The following PLCB1 variants were observed in gnomAD, a reference collection of about 807,000 sequenced individuals.
The protein encoded by PLCB1 is 1-phosphatidylinositol 4,5-bisphosphate phosphodiesterase beta-1.
In PLCB1, 46 loss-of-function variants were observed where a neutral mutation model predicts 161.8. That is an observed-to-expected ratio of 0.28 (90% CI 0.22 to 0.36). The LOEUF (loss-of-function observed/expected upper bound fraction) is 0.36, where lower values mean the gene tolerates loss of function less well. Ranked by LOEUF, PLCB1 falls within the 10% of genes least tolerant of loss-of-function variation. The pLI, the probability that PLCB1 is intolerant of heterozygous loss-of-function variation, is 1.00. For missense variants in PLCB1, 1,016 were observed against 1,472.5 expected, an observed-to-expected ratio of 0.69 and a Z score of 5.07; for synonymous variants, 517 against 503.7, an observed-to-expected ratio of 1.03 and a Z score of -0.35.
chr20:8,160,278 C>T (rs2327028), intron 2 of PLCB1, among the ~76,000 whole-genome samples: 90,541 of 151,984 alleles, frequency 0.6, 29,128 homozygotes, highest in African/African-American at 0.86. Flanking sequence ...TTTCCTGTCT[C>T]CTTCTGAGCC....
chr20:8,644,172 T>A (rs1298414150), intron 4 of PLCB1, among the ~76,000 whole-genome samples: 35 of 152,268 alleles, frequency 2.3e-4, no homozygotes, highest in Middle Eastern at 3.4e-3. Context: ...CCGCCTGCCT[T>A]GGCCTCCCAA....
At chr20:8,330,034 A>G (rs529232766) in intron 2 of PLCB1, among the ~76,000 whole-genome samples, 6 of 152,352 alleles carry the variant, frequency 3.9e-5, no homozygotes, top group Admixed American at 2.0e-4. Context: ...GTGTTCAAGA[A>G]TAATTCTTTC....
At chr20:8,751,501 A>G (rs1981480538) in intron 23 of PLCB1, 1 of 152,062 alleles carries the variant, frequency 6.6e-6, no homozygotes, top group Non-Finnish European at 1.5e-5. Flanking sequence ...TTCAGTTACC[A>G]TTTTACTGGT....
rs148333541 is a variant in PLCB1, at chr20:8,735,458, C to A, written c.2044-1570C>A. 1.5e-3 allele frequency among the ~76,000 whole-genome samples: 222 copies of A among 152,312 alleles called. 1 individual carries two copies. Among genetic ancestry groups the A allele is most frequent in the African/African-American group, 5.1e-3 (214 of 41,568 alleles). The stretch of plus-strand genomic sequence containing the variant: ...AGTTCTCACTGCAGTAGAGTCCTAC[C>A]TTTGACATTATAGCTAGAGCCAAGA... On this transcript the variant is annotated intron_variant, in intron 19 of 31. Coordinates refer to ENST00000338037, the MANE Select transcript of PLCB1 (RefSeq NM_015192.4).
At chr20:8,161,924 C>T (rs961172546) in intron 2 of PLCB1, among the ~76,000 whole-genome samples, 4 of 152,024 alleles carry the variant, frequency 2.6e-5, no homozygotes, top group Non-Finnish European at 4.4e-5. Context: ...CTGCCTGTGA[C>T]GTGGCCTACT....
intron 4 of PLCB1, chr20:8,628,709 C>T: frequency 3.4e-6 from 1 of 295,190 alleles, no homozygotes; most frequent in Non-Finnish European, 6.6e-6. Flanking sequence ...CCGAGGCGGA[C>T]AGATCACTTG....
intron 3 of PLCB1, among the ~76,000 whole-genome samples, chr20:8,427,874 G>T (rs1979854087): frequency 6.6e-6 from 1 of 152,164 alleles, no homozygotes; most frequent in Non-Finnish European, 1.5e-5. Context: ...TGTTCAAGTT[G>T]TTATCTGTAC....
chr20:8,616,561 G>A lies in PLCB1; in HGVS notation c.247-11733G>A, dbSNP rs542387045. 1.1e-4 allele frequency among the ~76,000 whole-genome samples: 16 copies of A among 152,278 alleles called. No homozygotes were observed. The East Asian group carries it at 3.1e-3, about 29-fold the overall frequency. ...CCTTGCCAGAATGTAAGCACCACCA[G>A]GGTGTAAGCATCTGTTTTTGTTCAC... is the stretch of plus-strand genomic sequence containing the variant. On this transcript the variant is annotated intron_variant, in intron 3 of 31. Transcript: ENST00000338037.
chr20:8,359,609 G>T (rs1306228014), intron 2 of PLCB1, among the ~76,000 whole-genome samples: 3 of 151,936 alleles, frequency 2.0e-5, no homozygotes, highest in Non-Finnish European at 4.4e-5. Context: ...AAAAGCTTTT[G>T]GGAAAACCAT....
chr20:8,520,885 T>C (rs773185115), intron 3 of PLCB1, among the ~76,000 whole-genome samples: 56 of 152,154 alleles, frequency 3.7e-4, no homozygotes, highest in Admixed American at 1.3e-4. Context: ...ATATAAACAC[T>C]GTGGGAAGTA....
Position 8,882,092 on chromosome 20 carries a change from T to C in PLCB1, c.*243T>C. On this transcript the variant is annotated 3_prime_UTR_variant, in exon 32 of 32. Coordinates refer to ENST00000338037, the MANE Select transcript of PLCB1 (RefSeq NM_015192.4). Reference sequence around the variant, plus strand: ...CATGTATGTGAGATTTTTGTTTTCTTTCCAATAGCAAATTCAAAGCAAGCA... The same window carrying C: ...CATGTATGTGAGATTTTTGTTTTCTCTCCAATAGCAAATTCAAAGCAAGCA... 1 of 406,442 alleles carries C rather than the reference T, an allele frequency of 2.5e-6. No homozygotes were observed. The highest frequency in any genetic ancestry group is 3.9e-5 in the East Asian group (1 of 25,550). The allele number at this position is 406,442 out of a possible 1,614,324, so 25.2% of individuals were successfully genotyped here.
chr20:8,334,165 C>T (rs1289578024), intron 2 of PLCB1, among the ~76,000 whole-genome samples: 1 of 151,588 alleles, frequency 6.6e-6, no homozygotes, highest in Non-Finnish European at 1.5e-5. Flanking sequence ...GCCGCGATCG[C>T]GCCATTGCAC....
At position 8,739,109 on chromosome 20, in the gene PLCB1, C is replaced by T. The variant is rs190700066; in HGVS notation, c.2209-152C>T. ...GAGGTTGCAGTGAGCCAAGATCACG[C>T]CACTGCACTTCAGCCTGGGTGACAC... On this transcript the variant is annotated intron_variant, in intron 20 of 31. Coordinates refer to ENST00000338037, the MANE Select transcript of PLCB1 (RefSeq NM_015192.4). The T allele has an allele frequency of 3.9e-3, 2,442 of 631,064 alleles. 23 individuals are homozygous for T. The highest frequency in any genetic ancestry group is 1.9e-3 in the Non-Finnish European group (659 of 344,912). 39.1% of individuals were successfully genotyped at this position (631,064 alleles called of 1,614,324 possible).
intron 2 of PLCB1, chr20:8,257,005 G>A (rs1378985286): frequency 6.6e-6 from 1 of 152,098 alleles, no homozygotes; most frequent in Non-Finnish European, 1.5e-5. Context: ...AAAGGGTATG[G>A]GTAAATGGAA....
chr20:8,170,044 A>G (rs944065484), intron 2 of PLCB1, among the ~76,000 whole-genome samples: 1 of 152,104 alleles, frequency 6.6e-6, no homozygotes, highest in Admixed American at 6.5e-5. Context: ...TTAAGGGTAC[A>G]CTGATATATT....
chr20:8,574,350 G>A (rs530139663), intron 3 of PLCB1, among the ~76,000 whole-genome samples: 11 of 152,312 alleles, frequency 7.2e-5, no homozygotes, highest in African/African-American at 2.6e-4. Context: ...ACTGAGCCAA[G>A]ATCATGCCAC....
At chr20:8,626,920 T>C (rs916322224) in intron 3 of PLCB1, among the ~76,000 whole-genome samples, 4 of 152,240 alleles carry the variant, frequency 2.6e-5, no homozygotes, top group Admixed American at 2.6e-4. Context: ...CTTTAATCTT[T>C]CGTTAATGGT....
At chr20:8,629,399 T>C (rs754619651) in intron 4 of PLCB1, among the ~76,000 whole-genome samples, 48 of 152,320 alleles carry the variant, frequency 3.2e-4, no homozygotes, top group African/African-American at 1.1e-3. Context: ...AGGTATAATG[T>C]AGCAAACAAG....
intron 3 of PLCB1, among the ~76,000 whole-genome samples, chr20:8,522,806 T>C (rs757243072): frequency 6.6e-6 from 1 of 152,178 alleles, no homozygotes; most frequent in African/African-American, 2.4e-5. Flanking sequence ...ATTTCAAACA[T>C]AGGAGGATAA....
Sources: allele counts gnomAD v4.1 joint callset (sites outside exome capture counted in the v4.1 genomes callset), GRCh38; gene constraint gnomAD v4.1.1; transcripts MANE v1.5; gene names NCBI Gene and HGNC (gene_info 2026-07-23, HGNC 2026-07-21).